CERS2: variants seen among roughly 807,000 people sequenced by gnomAD.
CERS2 encodes ceramide synthase 2, also known as LAG1 homolog, ceramide synthase 2.
CERS2 carries 20 observed loss-of-function variants against 56.6 expected under a neutral mutation model. The observed-to-expected ratio is 0.35, with a 90% CI of 0.25 to 0.51. CERS2 has a LOEUF of 0.51. Among genes scored for constraint, CERS2 ranks in the 20% least tolerant of loss-of-function variants. The probability of loss-of-function intolerance (pLI) is 0.96; values close to 1 mark genes in which losing one functional copy is unlikely to be tolerated. For missense variants in CERS2, 361 were observed against 488.6 expected, an observed-to-expected ratio of 0.74 and a Z score of 2.46; for synonymous variants, 187 against 175.4, an observed-to-expected ratio of 1.07 and a Z score of -0.52.
chr1:150,974,732 C>CGCCCGCCG lies in CERS2; in HGVS notation c.-123_-116dup, dbSNP rs1671278855. On this transcript the variant is annotated 5_prime_UTR_variant, in exon 1 of 11. Coordinates refer to ENST00000368954, the MANE Select transcript of CERS2 (RefSeq NM_022075.5). The stretch of plus-strand genomic sequence containing the variant: ...CCGCGCCTCTCCTCCCTCTTCCGCC[C>CGCCCGCCG]GCCCGCCGGCCCGCGCCCGCCCTCG... The CGCCCGCCG allele has an allele frequency of 6.6e-6, 1 of 152,394 alleles. No homozygotes were observed. Among genetic ancestry groups the CGCCCGCCG allele is most frequent in the Non-Finnish European group, 1.4e-5 (1 of 68,978 alleles). 9.4% of individuals were successfully genotyped at this position (152,394 alleles called of 1,614,324 possible).
At chr1:150,970,980 A>G (rs937283341) in intron 1 of CERS2, among the ~76,000 whole-genome samples, 1 of 152,176 alleles carries the variant, frequency 6.6e-6, no homozygotes, top group Non-Finnish European at 1.5e-5. Context: ...CAGAGGAGGG[A>G]GGGAACGGTC....
In CERS2 at chr1:150,965,223, T is replaced by C. The variant is rs1670968232; in HGVS notation, c.*925A>G. ...TCTTCGTTTATTTAGTTGATCCCCC[T>C]TCTCAATTCCTAATAGTCTGACACT... is the stretch of plus-strand genomic sequence containing the variant. On this transcript the variant is annotated 3_prime_UTR_variant, in exon 11 of 11. Coordinates refer to ENST00000368954, the MANE Select transcript of CERS2 (RefSeq NM_022075.5). The C allele has an allele frequency of 6.6e-6, 1 of 152,608 alleles. No homozygotes were observed. The highest frequency in any genetic ancestry group is 1.5e-5 in the Non-Finnish European group (1 of 68,042). 9.5% of individuals were successfully genotyped at this position (152,608 alleles called of 1,614,324 possible).
chr1:150,971,715 A>T (rs1187119774), intron 1 of CERS2: 7 of 348,506 alleles, frequency 2.0e-5, no homozygotes, highest in Non-Finnish European at 4.1e-5. Flanking sequence ...AGAAAATTGA[A>T]TAAAGAAGGG....
intron 1 of CERS2, 132 bp downstream of exon 1, chr1:150,974,487 C>A: frequency 6.7e-6 from 1 of 149,500 alleles, no homozygotes; most frequent in South Asian, 1.8e-4. Context: ...CTCCTCGCCC[C>A]GGCCCCGCGG....
At chr1:150,969,957 G>T (rs960552989) in intron 1 of CERS2, among the ~76,000 whole-genome samples, 3 of 152,160 alleles carry the variant, frequency 2.0e-5, no homozygotes, top group African/African-American at 7.2e-5. Flanking sequence ...AGGCTGGGCA[G>T]TAGCTCACGC....
chr1:150,967,496 G>C lies in CERS2; in HGVS notation c.520-12C>G, dbSNP rs762616596. 3.2e-6 allele frequency: 5 copies of C among 1,541,262 alleles called. No homozygotes were observed. The highest frequency in any genetic ancestry group is 4.5e-6 in the Non-Finnish European group (5 of 1,113,724). ...GAAGGGATAGTGCTCTGGGAGAGGA[G>C]AGAGAGGTAAGAGCAACCAGCCGCA... On this transcript the variant is annotated splice_polypyrimidine_tract_variant and intron_variant, in intron 6 of 10. Coordinates refer to ENST00000368954, the MANE Select transcript of CERS2 (RefSeq NM_022075.5).
rs1254937852 is a variant in CERS2 at position 150,967,495 on chromosome 1, A to G, written c.520-11T>C. 13 of 1,538,628 alleles carry G rather than the reference A, an allele frequency of 8.4e-6. No individual in the cohort carries two copies. The highest frequency in any genetic ancestry group is 1.7e-5 in the Admixed American group (1 of 59,892). On this transcript the variant is annotated splice_polypyrimidine_tract_variant and intron_variant, in intron 6 of 10. Transcript: ENST00000368954. Reference sequence around the variant, plus strand: ...GGAAGGGATAGTGCTCTGGGAGAGGAGAGAGAGGTAAGAGCAACCAGCCGC... The same window carrying G: ...GGAAGGGATAGTGCTCTGGGAGAGGGGAGAGAGGTAAGAGCAACCAGCCGC...
intron 1 of CERS2, among the ~76,000 whole-genome samples, chr1:150,970,769 T>C (rs186938333): frequency 6.6e-6 from 1 of 152,170 alleles, no homozygotes; most frequent in Non-Finnish European, 1.5e-5. Context: ...CTGCCAGCCT[T>C]GGCCTCCCAA....
intron 9 of CERS2, 33 bp downstream of exon 9, chr1:150,966,723 C>G: frequency 6.2e-7 from 1 of 1,601,448 alleles, no homozygotes; most frequent in Admixed American, 1.7e-5. Flanking sequence ...CTGATTTCTT[C>G]AGAACAGGAG....
Position 150,967,471 on chromosome 1 carries a change from G to A in CERS2, c.533C>T (p.Ser178Phe). 2 of 1,587,354 alleles carry A rather than the reference G, an allele frequency of 1.3e-6. No individual in the cohort carries two copies. The highest frequency in any genetic ancestry group is 1.7e-6 in the Non-Finnish European group (2 of 1,155,634). The stretch of plus-strand genomic sequence containing the variant: ...TTCAATCATGTAGTACCAATACTGG[G>A]AAGGGATAGTGCTCTGGGAGAGGAG... Reference protein sequence around the residue: ...EGYPIQSTIPSQYWYYMIELS... With the variant: ...EGYPIQSTIPFQYWYYMIELS... Residue 178 changes from serine to phenylalanine, a missense_variant, in exon 7 of 11, where the codon TCC becomes TTC. By Grantham distance (155) the Ser-to-Phe change is radical. Transcript: ENST00000368954.
rs1670998573 is a variant in CERS2 at position 150,965,970 on chromosome 1, A to T, written c.*178T>A. ...ATAACCAACGTCCCCCTACCTGGGG[A>T]TAGGCTGGTTAGAATTTGGTTTAAA... is the stretch of plus-strand genomic sequence containing the variant. On this transcript the variant is annotated 3_prime_UTR_variant, in exon 11 of 11. Coordinates refer to ENST00000368954, the MANE Select transcript of CERS2 (RefSeq NM_022075.5). 1.6e-6 allele frequency: 1 copy of T among 618,752 alleles called. No individual in the cohort carries two copies. The highest frequency in any genetic ancestry group is 3.4e-5 in the Admixed American group (1 of 29,270). The allele number at this position is 618,752 out of a possible 1,614,324, so 38.3% of individuals were successfully genotyped here.
At chr1:150,972,425 G>A (rs1671205388) in intron 1 of CERS2, among the ~76,000 whole-genome samples, 1 of 152,180 alleles carries the variant, frequency 6.6e-6, no homozygotes, top group South Asian at 2.1e-4. Flanking sequence ...CAGAACCAAA[G>A]AGTTGGGTCC....
chr1:150,966,965 G>T, intron 8 of CERS2, 103 bp from the exon 9 acceptor site: 1 of 1,472,336 alleles, frequency 6.8e-7, no homozygotes, highest in Non-Finnish European at 9.5e-7. Flanking sequence ...CCTCCTCCTT[G>T]GTCCCAGGAA....
Position 150,966,096 on chromosome 1 carries a change from G to A in CERS2, c.*52C>T. 1 of 1,567,776 alleles carries A rather than the reference G, an allele frequency of 6.4e-7. No homozygotes were observed. The highest frequency in any genetic ancestry group is 1.1e-5 in the South Asian group (1 of 87,384). ...AAGTGACCCTATAGCGCAGGGAGCG[G>A]GGTAGTTCCTTGGCTTTATGCATTA... is the stretch of plus-strand genomic sequence containing the variant. On this transcript the variant is annotated 3_prime_UTR_variant, in exon 11 of 11. Coordinates refer to ENST00000368954, the MANE Select transcript of CERS2 (RefSeq NM_022075.5).
chr1:150,974,142 C>T (rs1041105044), intron 1 of CERS2: 1 of 152,438 alleles, frequency 6.6e-6, no homozygotes, highest in Non-Finnish European at 1.5e-5. Context: ...CAGGGCCCTC[C>T]CCTCTCCTCC....
At chr1:150,967,793 T>TC in intron 5 of CERS2, 27 bp downstream of exon 5, 1 of 1,611,018 alleles carries the variant, frequency 6.2e-7, no homozygotes, top group Non-Finnish European at 8.5e-7. Flanking sequence ...GAGAACCTAC[T>TC]CCCACCTCCC....
chr1:150,966,368 T>C (rs1671015767), intron 10 of CERS2, 80 bp from the exon 11 acceptor site: 13 of 1,596,694 alleles, frequency 8.1e-6, no homozygotes, highest in Non-Finnish European at 1.1e-5. Flanking sequence ...GGCTTGTTCC[T>C]GTTATACCCA....
intron 1 of CERS2, among the ~76,000 whole-genome samples, chr1:150,969,661 T>C (rs1433695265): frequency 6.6e-6 from 1 of 152,032 alleles, no homozygotes; most frequent in African/African-American, 2.4e-5. Flanking sequence ...AACCTCTGAT[T>C]TCGGGGAGTG....
chr1:150,967,945 G>T, intron 4 of CERS2, 68 bp from the exon 5 acceptor site: 1 of 1,415,548 alleles, frequency 7.1e-7, no homozygotes, highest in Non-Finnish European at 1.0e-6. Context: ...CCAAATACCT[G>T]CAGATACCCT....
Sources: gnomAD v4.1 joint callset for allele counts (sites outside exome capture counted in the v4.1 genomes callset) on GRCh38, gnomAD v4.1.1 for gene constraint, MANE v1.5 for transcripts, NCBI Gene and HGNC (gene_info 2026-07-23, HGNC 2026-07-21) for gene names.